MED23: variants seen among roughly 807,000 people sequenced by gnomAD.
MED23 encodes the protein mediator of RNA polymerase II transcription subunit 23.
MED23 carries 105 observed loss-of-function variants against 163.9 expected under a neutral mutation model. The observed-to-expected ratio is 0.64, with a 90% CI of 0.55 to 0.75. The LOEUF is 0.75. Ranked by LOEUF, MED23 falls within the 30% of genes least tolerant of loss-of-function variation. The pLI is 0.00. For synonymous variants in MED23, 561 were observed against 565.6 expected, an observed-to-expected ratio of 0.99 and a Z score of 0.12; for missense variants, 1,054 against 1,649.0, an observed-to-expected ratio of 0.64 and a Z score of 6.25.
Position 131,618,414 on chromosome 6 carries a change from T to C in MED23, c.773A>G (p.Tyr258Cys), listed in dbSNP as rs758380677. The part of the protein sequence containing the change: ...LRFPLKGLLP[Y>C]DKDLFEPQTA... ...TTATATTTAGCAACATACCTTATCA[T>C]ATGGCAAAAGGCCTTTCAAAGGAAA... Residue 258 changes from tyrosine (Y) to cysteine (C), a missense_variant, in exon 9 of 29, where the codon TAT (tyrosine) becomes TGT (cysteine). Physicochemically the swap from Tyr to Cys is radical, Grantham distance 194 (BLOSUM62 -2). This residue lies in a region of MED23 where 54 missense variants were observed against 79.7 expected (regional missense o/e 0.68). Transcript: ENST00000368068. 5.6e-6 allele frequency: 9 copies of C among 1,610,384 alleles called. No homozygotes were observed. The highest frequency in any genetic ancestry group is 4.0e-5 in the African/African-American group (3 of 74,846).
chr6:131,584,816 T>TACACACACACACAC (rs59196638), downstream of MED23, among the ~76,000 whole-genome samples: 755 of 134,110 alleles, frequency 5.6e-3, 3 homozygotes, highest in African/African-American at 7.9e-3. Flanking sequence ...CTACAAAAAA[T>TACACACACACACAC]ACACACACAC....
intron 28 of MED23, among the ~76,000 whole-genome samples, chr6:131,588,868 C>T (rs918155638): frequency 1.3e-5 from 2 of 152,146 alleles, no homozygotes; most frequent in Non-Finnish European, 2.9e-5. Context: ...TTAACTTTAC[C>T]AGAATTCATA....
intron 12 of MED23, 111 bp downstream of exon 12, chr6:131,607,817 T>C: frequency 8.3e-7 from 1 of 1,211,888 alleles, no homozygotes; most frequent in Non-Finnish European, 1.2e-6. Context: ...CATTCAATTG[T>C]GATTTAGCAT....
At chr6:131,627,595 G>T in intron 2 of MED23, 46 bp downstream of exon 2, 1 of 1,607,124 alleles carries the variant, frequency 6.2e-7, no homozygotes, top group South Asian at 1.1e-5. Flanking sequence ...AAATCTGACA[G>T]ACACAATCAC....
rs183845483 is a variant in MED23 at position 131,625,056 on chromosome 6, T to A, written c.160-67A>T. ...CATTTTTATAACCAATAGCTAATAC[T>A]ACAACTGGAAGTATACCAATACTAT... is the stretch of plus-strand genomic sequence containing the variant. On this transcript the variant is annotated intron_variant, in intron 3 of 28. Coordinates refer to ENST00000368068, the MANE Select transcript of MED23 (RefSeq NM_004830.4). 90 of 1,477,830 alleles carry A rather than the reference T, an allele frequency of 6.1e-5. No individual in the cohort carries two copies. In the African/African-American group the frequency reaches 1.2e-3, roughly 19 times the overall value. 91.5% of individuals were successfully genotyped at this position (1,477,830 alleles called of 1,614,324 possible).
At chr6:131,615,066 C>CAAAAAAAAAAAAAAAAAAAAAA (rs5880072) in intron 10 of MED23, among the ~76,000 whole-genome samples, 3 of 68,232 alleles carry the variant, frequency 4.4e-5, no homozygotes, top group Non-Finnish European at 5.7e-5. Context: ...TCTTTGTTAC[C>CAAAAAAAAAAAAAAAAAAAAAA]AAAAAAAAAA....
At chr6:131,592,661 C>T (rs766824240) in intron 24 of MED23, 6 of 613,484 alleles carry the variant, frequency 9.8e-6, no homozygotes, top group African/African-American at 7.4e-5. Context: ...ATACTTCCTC[C>T]CCAATCATTA....
intron 3 of MED23, among the ~76,000 whole-genome samples, chr6:131,625,967 A>G (rs1176843161): frequency 2.0e-5 from 3 of 151,664 alleles, no homozygotes; most frequent in Non-Finnish European, 4.4e-5. Context: ...CTAAAAATAC[A>G]AAAAATGAGC....
intron 25 of MED23, among the ~76,000 whole-genome samples, chr6:131,592,178 A>G (rs557907335): frequency 1.8e-4 from 27 of 152,356 alleles, no homozygotes; most frequent in African/African-American, 6.0e-4. Flanking sequence ...TCACATAGAT[A>G]TATTTAGATC....
intron 26 of MED23, among the ~76,000 whole-genome samples, chr6:131,590,762 G>A (rs1774550794): frequency 1.3e-5 from 2 of 151,860 alleles, no homozygotes; most frequent in South Asian, 2.1e-4. Context: ...GGGATTACAG[G>A]TGCACACCAC....
chr6:131,627,872 C>T, intron 1 of MED23, 139 bp downstream of exon 1: 2 of 1,196,174 alleles, frequency 1.7e-6, no homozygotes, highest in Non-Finnish European at 1.2e-6. Context: ...AACTTCCCCG[C>T]ATACAACCTC....
intron 17 of MED23, among the ~76,000 whole-genome samples, chr6:131,601,332 CA>C (rs1413559285): frequency 6.6e-6 from 1 of 152,090 alleles, no homozygotes; most frequent in Non-Finnish European, 1.5e-5. Flanking sequence ...ACTGTATAAA[CA>C]AAATGTCAAC....
rs143889870 is a variant in MED23 at position 131,594,103 on chromosome 6, G to A, written c.3228C>T (p.Val1076=). 9.9e-5 allele frequency: 159 copies of A among 1,609,412 alleles called. No individual in the cohort carries two copies. The highest frequency in any genetic ancestry group is 1.7e-4 in the Admixed American group (10 of 59,966). Reference sequence around the variant, plus strand: ...AAATCACAATAAAAAGGATATTATCGACTAGTCTGCCAATCAATCTGCAAT... The same window carrying A: ...AAATCACAATAAAAAGGATATTATCAACTAGTCTGCCAATCAATCTGCAAT... ...TYYCRLIGRL[V]DTMAGKSPGP... The change falls in exon 23 of 29, where the codon GTC becomes GTT. Residue 1076 remains valine, a synonymous_variant. Transcript: ENST00000368068.
chr6:131,578,358 A>C (rs1387249160), intron 30 of MED23, among the ~76,000 whole-genome samples: 2 of 152,212 alleles, frequency 1.3e-5, no homozygotes, highest in Non-Finnish European at 2.9e-5. Context: ...TACCATATTT[A>C]ATGGCCAATT....
chr6:131,582,629 T>C (rs144403253), downstream of MED23: 69 of 1,613,572 alleles, frequency 4.3e-5, no homozygotes, highest in African/African-American at 7.7e-4. Context: ...AGATTCCCGA[T>C]GTGCCAGGAT....
At chr6:131,612,915 T>G (rs763318534) in intron 10 of MED23, among the ~76,000 whole-genome samples, 2 of 152,158 alleles carry the variant, frequency 1.3e-5, no homozygotes, top group Non-Finnish European at 2.9e-5. Flanking sequence ...GTTCTCATAA[T>G]GCTTTTGCAG....
In MED23 at chr6:131,614,862, T is replaced by G. The variant is rs115568493; in HGVS notation, c.876+1045A>C. 5.3e-3 allele frequency among the ~76,000 whole-genome samples: 808 copies of G among 151,970 alleles called. 5 individuals carry two copies. The highest frequency in any genetic ancestry group is 0.018 in the African/African-American group (754 of 41,494). On this transcript the variant is annotated intron_variant, in intron 10 of 28. Transcript: ENST00000368068. ...GTTTTTGTTTTAAGGCAAAGCAACATAAGTATTTTTGTTGTTGTTATTTTT... is the reference window on the plus strand; with the variant it reads ...GTTTTTGTTTTAAGGCAAAGCAACAGAAGTATTTTTGTTGTTGTTATTTTT...
intron 20 of MED23, among the ~76,000 whole-genome samples, chr6:131,597,475 C>CAA (rs59083644): frequency 0.015 from 806 of 53,610 alleles, 35 homozygotes; most frequent in African/African-American, 0.044. Flanking sequence ...GACTCCATAT[C>CAA]AAAAAAAAAA....
chr6:131,605,899 C>T (rs542119195), intron 13 of MED23, among the ~76,000 whole-genome samples: 2 of 152,212 alleles, frequency 1.3e-5, no homozygotes, highest in East Asian at 3.9e-4. Context: ...AATGAAGTAT[C>T]AAGTCTGACA....
Sources: allele counts gnomAD v4.1 joint callset (sites outside exome capture counted in the v4.1 genomes callset), GRCh38; gene constraint gnomAD v4.1.1; regional missense constraint gnomAD v4.1.1; transcripts MANE v1.5; gene names NCBI Gene and HGNC (gene_info 2026-07-23, HGNC 2026-07-21).